Variants in BIVM observed in about 807,000 individuals in gnomAD.
The protein encoded by BIVM is basic, immunoglobulin-like variable motif containing.
A neutral mutation model predicts 61.4 loss-of-function variants in BIVM; 31 were observed. The observed-to-expected ratio is 0.51, with a 90% confidence interval of 0.38 to 0.68. The LOEUF is 0.68. BIVM is among the 30% of genes least tolerant of loss of function. BIVM has a pLI of 0.00. For missense variants in BIVM, 526 were observed against 596.0 expected, an observed-to-expected ratio of 0.88 and a Z score of 1.22; for synonymous variants, 189 against 210.7, an observed-to-expected ratio of 0.90 and a Z score of 0.89.
intron 8 of BIVM, among the ~76,000 whole-genome samples, chr13:102,834,183 T>C (rs1881305467): frequency 6.6e-6 from 1 of 152,216 alleles, no homozygotes; most frequent in Non-Finnish European, 1.5e-5. Context: ...AAAATGCAGA[T>C]AGCATTCCAG....
intron 1 of BIVM, chr13:102,800,573 C>A (rs1878691368): frequency 6.6e-6 from 1 of 152,246 alleles, no homozygotes; most frequent in Non-Finnish European, 1.5e-5. Context: ...CTGTCTACTC[C>A]GTCCCGGCGG....
chr13:102,834,610 G>C, intron 9 of BIVM, 58 bp downstream of exon 9: 1 of 1,476,542 alleles, frequency 6.8e-7, no homozygotes, highest in Non-Finnish European at 9.1e-7. Flanking sequence ...ACAGTGAAAT[G>C]CACAGATCTT....
intron 6 of BIVM, 46 bp from the exon 7 acceptor site, chr13:102,822,019 T>C (rs751712860): frequency 2.5e-6 from 4 of 1,601,472 alleles, no homozygotes; most frequent in East Asian, 2.2e-5. Flanking sequence ...AATGCCATCT[T>C]TGTTGTAGAA....
intron 2 of BIVM, among the ~76,000 whole-genome samples, chr13:102,806,884 T>C (rs1472293471): frequency 1.3e-5 from 2 of 150,870 alleles, no homozygotes; most frequent in East Asian, 3.9e-4. Flanking sequence ...CACTCCAGCC[T>C]GGGCAACAAG....
chr13:102,814,786 G>T (rs1318987932), intron 3 of BIVM, among the ~76,000 whole-genome samples: 4 of 152,186 alleles, frequency 2.6e-5, no homozygotes, highest in African/African-American at 9.7e-5. Context: ...GCTCACACTT[G>T]TAATCCCAGC....
At chr13:102,839,548 C>A in intron 10 of BIVM, 24 bp from the exon 11 acceptor site, 1 of 1,608,470 alleles carries the variant, frequency 6.2e-7, no homozygotes, top group South Asian at 1.1e-5. Context: ...TTATTTTCTT[C>A]AGCCAACATT....
chr13:102,823,767 C>T (rs1880459933), intron 7 of BIVM, among the ~76,000 whole-genome samples: 1 of 152,154 alleles, frequency 6.6e-6, no homozygotes, highest in African/African-American at 2.4e-5. Context: ...GGTTTTCAAT[C>T]ATTTTTATTC....
At chr13:102,801,959 A>T (rs1207008909) in intron 1 of BIVM, among the ~76,000 whole-genome samples, 1 of 151,894 alleles carries the variant, frequency 6.6e-6, no homozygotes, top group Non-Finnish European at 1.5e-5. Flanking sequence ...AGTAATGTGG[A>T]GCTTGGGGGG....
intron 4 of BIVM, among the ~76,000 whole-genome samples, chr13:102,819,294 C>T (rs1880078355): frequency 6.6e-6 from 1 of 152,104 alleles, no homozygotes; most frequent in African/African-American, 2.4e-5. Context: ...GTTCTGTTGC[C>T]TAACAATTTG....
intron 3 of BIVM, among the ~76,000 whole-genome samples, chr13:102,815,801 A>G (rs1879830741): frequency 6.6e-6 from 1 of 152,302 alleles, no homozygotes; most frequent in South Asian, 2.1e-4. Flanking sequence ...GCATACATAG[A>G]TGCATACATG....
intron 7 of BIVM, among the ~76,000 whole-genome samples, chr13:102,823,031 GC>G (rs140680784): frequency 0.044 from 6,647 of 152,204 alleles, 163 homozygotes; most frequent in Middle Eastern, 0.071. Context: ...CTTGCTAAAG[GC>G]AGGTCAAGGG....
chr13:102,809,349 T>C (rs943396752), intron 3 of BIVM, among the ~76,000 whole-genome samples: 24 of 152,358 alleles, frequency 1.6e-4, no homozygotes, highest in African/African-American at 4.6e-4. Flanking sequence ...TTTAGTTCCA[T>C]TGTGGACAGA....
chr13:102,802,390 G>T (rs972065908), intron 1 of BIVM, among the ~76,000 whole-genome samples: 7 of 152,226 alleles, frequency 4.6e-5, no homozygotes, highest in Admixed American at 2.0e-4. Flanking sequence ...GAGAATAGAC[G>T]TGAGACAGTG....
At chr13:102,835,687 C>T (rs988927360) in intron 9 of BIVM, among the ~76,000 whole-genome samples, 1 of 152,170 alleles carries the variant, frequency 6.6e-6, no homozygotes, top group Admixed American at 6.5e-5. Flanking sequence ...CGCCCACTAT[C>T]ACGCCCAGCT....
chr13:102,837,084 C>T (rs561368604), intron 9 of BIVM, among the ~76,000 whole-genome samples: 1 of 152,218 alleles, frequency 6.6e-6, no homozygotes, highest in East Asian at 1.9e-4. Context: ...TCGAGACCAG[C>T]CTTGGCACTA....
At chr13:102,827,805 C>G (rs1880778340) in intron 7 of BIVM, among the ~76,000 whole-genome samples, 1 of 152,186 alleles carries the variant, frequency 6.6e-6, no homozygotes, top group Admixed American at 6.5e-5. Context: ...ACACGTTACC[C>G]TATGAATTCT....
chr13:102,828,311 C>T (rs1190522775), intron 7 of BIVM, among the ~76,000 whole-genome samples: 1 of 151,912 alleles, frequency 6.6e-6, no homozygotes, highest in Non-Finnish European at 1.5e-5. Context: ...AACATTTGCA[C>T]CAGGCAAGTC....
Position 102,807,474 on chromosome 13 carries a change from C to T in BIVM, c.207C>T (p.Ile69=), listed in dbSNP as rs370712400. ...ATACACGGGAAAAAATTTATGCCAT[C>T]TGTTCGGACTATGCCTTTCTCAACC... The part of the protein sequence containing the change: ...VTHTREKIYA[I]CSDYAFLNQA... Residue 69 remains isoleucine, a synonymous_variant, in exon 3 of 11, where the codon ATC becomes ATT. Coordinates refer to ENST00000257336, the MANE Select transcript of BIVM (RefSeq NM_017693.4). This position sits in a 1 kb window ranked among gnomAD's most constrained non-coding sequence, Gnocchi z 4.0. 1.2e-6 allele frequency: 2 copies of T among 1,614,088 alleles called. No homozygotes were observed. Among genetic ancestry groups the T allele is most frequent in the African/African-American group, 2.7e-5 (2 of 74,930 alleles).
rs1879175444 is a variant in BIVM, at chr13:102,807,376, TGCACAA to T, written c.111_116del (p.Thr38_Ser39del). The T allele has an allele frequency of 1.2e-6, 2 of 1,614,100 alleles. No individual in the cohort carries two copies. The highest frequency in any genetic ancestry group is 1.7e-6 in the Non-Finnish European group (2 of 1,180,038). On this transcript the variant is annotated inframe_deletion, in exon 3 of 11. Transcript: ENST00000257336. The surrounding 1 kb of genome is among the most constrained non-coding windows in gnomAD (Gnocchi z 4.0). ...TCTACAAGGTGCTGTAAAATCTTTC[TGCACAA>T]GTGCCTCAGGAGCACCCTTGGGTCC... is the stretch of plus-strand genomic sequence containing the variant.
Sources: gnomAD v4.1 joint callset for allele counts (sites outside exome capture counted in the v4.1 genomes callset) on GRCh38, gnomAD v4.1.1 for gene constraint, Gnocchi (gnomAD v3.1) non-coding constraint, MANE v1.5 for transcripts, NCBI Gene and HGNC (gene_info 2026-07-23, HGNC 2026-07-21) for gene names.